The following DPYD variants were observed in gnomAD, a reference collection of about 807,000 sequenced individuals.
DPYD encodes the protein dihydropyrimidine dehydrogenase [NADP(+)].
DPYD carries 109 observed loss-of-function variants against 116.2 expected under a neutral mutation model. The ratio of observed to expected loss-of-function variants is 0.94; its 90% CI spans 0.80 to 1.10. The LOEUF (loss-of-function observed/expected upper bound fraction) is 1.10. DPYD is among the 50% of genes least tolerant of loss of function. The pLI is 0.00. For synonymous variants in DPYD, 440 were observed against 432.0 expected, an observed-to-expected ratio of 1.02 and a Z score of -0.23; for missense variants, 1,302 against 1,254.5, an observed-to-expected ratio of 1.04 and a Z score of -0.57.
At chr1:97,191,248 A>C (rs1236924305) in intron 20 of DPYD, among the ~76,000 whole-genome samples, 1 of 152,118 alleles carries the variant, frequency 6.6e-6, no homozygotes, top group Non-Finnish European at 1.5e-5. Flanking sequence ...ACGATTAGGA[A>C]ATCACCTGTA....
At chr1:97,340,676 A>G (rs1055731311) in intron 16 of DPYD, among the ~76,000 whole-genome samples, 1 of 152,154 alleles carries the variant, frequency 6.6e-6, no homozygotes, top group Non-Finnish European at 1.5e-5. Context: ...ACCCTATCTC[A>G]AAAAATAAAA....
intron 12 of DPYD, among the ~76,000 whole-genome samples, chr1:97,532,897 C>A (rs1649732443): frequency 7.4e-6 from 1 of 134,718 alleles, no homozygotes; most frequent in Non-Finnish European, 1.6e-5. Flanking sequence ...CTTCTGCTAA[C>A]TTTGGGCTTA....
intron 3 of DPYD, among the ~76,000 whole-genome samples, chr1:97,741,495 T>C (rs1179254181): frequency 6.6e-6 from 1 of 152,200 alleles, no homozygotes; most frequent in Non-Finnish European, 1.5e-5. Context: ...GAAGTGATTC[T>C]AGTGTTCATA....
Position 97,567,351 on chromosome 1 carries a change from A to G in DPYD, c.1339+6409T>C, listed in dbSNP as rs557319122. On this transcript the variant is annotated intron_variant, in intron 11 of 22. Transcript: ENST00000370192. The stretch of plus-strand genomic sequence containing the variant: ...TTTTTTTTCCTGCAAACACTCCCTT[A>G]TGGAACTAACTGCAATCAATGTTAT... 2.6e-5 allele frequency among the ~76,000 whole-genome samples: 4 copies of G among 151,852 alleles called. No individual in the cohort carries two copies. The South Asian group carries it at 8.3e-4, about 32-fold the overall frequency.
chr1:97,315,155 C>A (rs927801834), intron 16 of DPYD, among the ~76,000 whole-genome samples: 2 of 151,944 alleles, frequency 1.3e-5, no homozygotes, highest in African/African-American at 4.8e-5. Flanking sequence ...GCAACTGCAA[C>A]AGACACAGAC....
At chr1:97,784,423 C>T (rs1184960195) in intron 3 of DPYD, among the ~76,000 whole-genome samples, 3 of 152,000 alleles carry the variant, frequency 2.0e-5, no homozygotes, top group Non-Finnish European at 4.4e-5. Context: ...ATGAAGAGGA[C>T]ATAAAGAACA....
intron 20 of DPYD, among the ~76,000 whole-genome samples, chr1:97,163,224 C>G (rs1169704683): frequency 6.6e-6 from 1 of 152,114 alleles, no homozygotes; most frequent in African/African-American, 2.4e-5. Flanking sequence ...ATTTTCGCAA[C>G]CTACTTATCT....
At chr1:97,288,105 G>A (rs1665857988) in intron 18 of DPYD, among the ~76,000 whole-genome samples, 1 of 151,600 alleles carries the variant, frequency 6.6e-6, no homozygotes, top group African/African-American at 2.4e-5. Flanking sequence ...TTACATAATG[G>A]TAAAGGGATC....
At chr1:97,604,124 T>C (rs1459714956) in intron 8 of DPYD, among the ~76,000 whole-genome samples, 1 of 152,244 alleles carries the variant, frequency 6.6e-6, no homozygotes, top group East Asian at 1.9e-4. Context: ...ATTTGTTTTC[T>C]ACATCTATGT....
chr1:97,701,448 C>T (rs1661594064), intron 5 of DPYD, among the ~76,000 whole-genome samples: 1 of 151,532 alleles, frequency 6.6e-6, no homozygotes, highest in Admixed American at 6.6e-5. Flanking sequence ...ATGAATAAAT[C>T]CATATTATAG....
chr1:97,467,785 T>A (rs1677415536), intron 13 of DPYD, among the ~76,000 whole-genome samples: 1 of 152,178 alleles, frequency 6.6e-6, no homozygotes, highest in Non-Finnish European at 1.5e-5. Context: ...GAAATCAGAA[T>A]AAAAGAGACA....
At chr1:97,525,898 G>A (rs995134015) in intron 12 of DPYD, among the ~76,000 whole-genome samples, 18 of 76,972 alleles carry the variant, frequency 2.3e-4, no homozygotes, top group African/African-American at 6.3e-4. Context: ...GCGCGCGCGT[G>A]TGTGTGTGTG....
chr1:97,249,506 A>C (rs1017618366), intron 18 of DPYD, among the ~76,000 whole-genome samples: 1 of 152,124 alleles, frequency 6.6e-6, no homozygotes, highest in Non-Finnish European at 1.5e-5. Flanking sequence ...TTGAAACCAT[A>C]AAGTTCCTAG....
intron 18 of DPYD, among the ~76,000 whole-genome samples, chr1:97,256,913 A>G (rs1663516361): frequency 6.6e-6 from 1 of 152,090 alleles, no homozygotes; most frequent in Admixed American, 6.6e-5. Flanking sequence ...TTGTCCACAA[A>G]CCAGACTTTA....
chr1:97,344,530 T>C (rs144883827), intron 16 of DPYD, among the ~76,000 whole-genome samples: 1,562 of 151,966 alleles, frequency 0.01, 8 homozygotes, highest in Non-Finnish European at 0.016. Context: ...ATATAATACA[T>C]GTATTATTGT....
At chr1:97,329,575 G>A (rs1430458139) in intron 16 of DPYD, among the ~76,000 whole-genome samples, 2 of 150,984 alleles carry the variant, frequency 1.3e-5, no homozygotes, top group Non-Finnish European at 3.0e-5. Context: ...GGCAAAACCC[G>A]GTATCTACTA....
chr1:97,866,957 G>T (rs976662296), intron 2 of DPYD, among the ~76,000 whole-genome samples: 1 of 151,834 alleles, frequency 6.6e-6, no homozygotes, highest in Non-Finnish European at 1.5e-5. Context: ...GGGCTTGTAG[G>T]CTATAATAGG....
chr1:97,869,378 TAA>T (rs1182321022), intron 2 of DPYD, among the ~76,000 whole-genome samples: 2 of 151,734 alleles, frequency 1.3e-5, no homozygotes, highest in Non-Finnish European at 2.9e-5. Context: ...AAGAATCCTA[TAA>T]ATAAGAAATA....
intron 14 of DPYD, among the ~76,000 whole-genome samples, chr1:97,444,357 A>G (rs1439333373): frequency 6.6e-6 from 1 of 152,192 alleles, no homozygotes; most frequent in Non-Finnish European, 1.5e-5. Context: ...CAGTCAATGC[A>G]ATATCTCTAA....
Sources: allele counts gnomAD v4.1 joint callset (sites outside exome capture counted in the v4.1 genomes callset), GRCh38; gene constraint gnomAD v4.1.1; transcripts MANE v1.5; gene names NCBI Gene and HGNC (gene_info 2026-07-23, HGNC 2026-07-21).